MUC5AC: variants seen among roughly 807,000 people sequenced by gnomAD.
MUC5AC encodes mucin-5AC.
A neutral mutation model predicts 169.7 loss-of-function variants in MUC5AC; 158 were observed. The observed-to-expected ratio is 0.93, with a 90% CI of 0.82 to 1.06. The LOEUF (loss-of-function observed/expected upper bound fraction) is 1.06. Among genes scored for constraint, MUC5AC ranks in the 50% least tolerant of loss-of-function variants. MUC5AC has a pLI of 0.00. For synonymous variants in MUC5AC, 1,975 were observed against 1,237.0 expected (o/e 1.60, Z -12.52); for missense variants, 4,359 against 3,089.9 (o/e 1.41, Z -9.74).
chr11:1,194,562 A>G lies in MUC5AC; in HGVS notation c.15082A>G (p.Met5028Val), dbSNP rs1264458126. The change falls in exon 35 of 49, where the codon ATG becomes GTG. Residue 5028 changes from methionine (M) to valine (V), a missense_variant. By Grantham distance (21) the Met-to-Val change is conservative (BLOSUM62 1). Coordinates refer to ENST00000621226, the MANE Select transcript of MUC5AC (RefSeq NM_001304359.2). ...CGTGGTCTCGCGCATCGGCGTCAAG[A>G]TGTACGCGACCATCCCGGAGCTGGG... Reference protein sequence around the residue: ...GIVVSRIGVKMYATIPELGVQ... With the variant: ...GIVVSRIGVKVYATIPELGVQ... 3.9e-6 allele frequency: 3 copies of G among 764,206 alleles called. No individual in the cohort carries two copies. The highest frequency in any genetic ancestry group is 3.4e-5 in the African/African-American group (2 of 59,110). The allele number at this position is 764,206 out of a possible 1,614,324, so 47.3% of individuals were successfully genotyped here.
At chr11:1,163,748 C>T (rs1237417396) in intron 6 of MUC5AC, 134 bp from the exon 7 acceptor site, 2 of 680,412 alleles carry the variant, frequency 2.9e-6, no homozygotes, top group South Asian at 1.8e-5. Context: ...CTCAGGCATC[C>T]AGATGGGGCA....
Position 1,200,646 on chromosome 11 carries a change from C to A in MUC5AC, c.16909C>A (p.Gln5637Lys), listed in dbSNP as rs749263811. The change falls in exon 49 of 49, where the codon CAG becomes AAG. Residue 5637 changes from glutamine (Q) to lysine (K), a missense_variant. Physicochemically the swap from Gln to Lys is moderately conservative, Grantham distance 53. Coordinates refer to ENST00000621226, the MANE Select transcript of MUC5AC (RefSeq NM_001304359.2). ...GGAGGAGGCGGAACCCGAGCCCAGCCAGGAGGCAGAGAGTGGGAGCTGGGA... is the reference window on the plus strand; with the variant it reads ...GGAGGAGGCGGAACCCGAGCCCAGCAAGGAGGCAGAGAGTGGGAGCTGGGA... The part of the protein sequence containing the change: ...HSEEAEPEPS[Q>K]EAESGSWERG... The A allele has an allele frequency of 2.6e-6, 2 of 763,664 alleles. No individual in the cohort carries two copies. The highest frequency in any genetic ancestry group is 4.9e-5 in the East Asian group (2 of 41,186). 47.3% of individuals were successfully genotyped at this position (763,664 alleles called of 1,614,324 possible). A position where few individuals can be genotyped will look rare whatever the true frequency, so the allele number is the denominator to read the frequency against.
intron 36 of MUC5AC, among the ~76,000 whole-genome samples, chr11:1,195,579 G>C (rs1458275726): frequency 6.6e-6 from 1 of 152,098 alleles, no homozygotes; most frequent in Admixed American, 6.5e-5. Flanking sequence ...GTATGGACGG[G>C]GGCATCGGTC....
At chr11:1,170,623 A>G (rs1860483193) in intron 15 of MUC5AC, among the ~76,000 whole-genome samples, 1 of 138,058 alleles carries the variant, frequency 7.2e-6, no homozygotes, top group Non-Finnish European at 1.5e-5. Flanking sequence ...TCACCTACTC[A>G]CTCACCCACT....
chr11:1,191,198 C>A lies in MUC5AC; in HGVS notation c.13053C>A (p.Thr4351=), dbSNP rs1861088310. ...GTACTCCCAGCCCTGTTCCCACCAC[C>A]AGCACAACCTCTGCTCCTACAACCA... ...PGSTPSPVPT[T]STTSAPTTST... is the part of the protein sequence containing the mutation. The change falls in exon 31 of 49, where the codon ACC becomes ACA. Residue 4351 remains threonine, a synonymous_variant. Coordinates refer to ENST00000621226, the MANE Select transcript of MUC5AC (RefSeq NM_001304359.2). 2.7e-6 allele frequency: 2 copies of A among 743,392 alleles called. No individual in the cohort carries two copies. Among genetic ancestry groups the A allele is most frequent in the East Asian group, 2.5e-5 (1 of 40,582 alleles). The allele number at this position is 743,392 out of a possible 1,614,324, so 46.0% of individuals were successfully genotyped here.
chr11:1,185,419 C>A lies in MUC5AC; in HGVS notation c.7274C>A (p.Thr2425Lys). 2.8e-6 allele frequency: 2 copies of A among 717,336 alleles called. No homozygotes were observed. The highest frequency in any genetic ancestry group is 2.9e-5 in the South Asian group (2 of 69,616). The allele number at this position is 717,336 out of a possible 1,614,324, so 44.4% of individuals were successfully genotyped here. ...ACAACCAGCACAACCTCTGCCCCTA[C>A]AAGCAGCACAACCTCCAGTCCACAG... ...APTTSTTSAP[T>K]SSTTSSPQTS... The change falls in exon 31 of 49, where the codon ACA (threonine) becomes AAA (lysine). Residue 2425 changes from threonine to lysine, a missense_variant. Transcript: ENST00000621226.
chr11:1,171,907 C>CCACTCACCTACTCATT (rs1554926383), intron 15 of MUC5AC, among the ~76,000 whole-genome samples: 1 of 147,600 alleles, frequency 6.8e-6, no homozygotes, highest in African/African-American at 2.6e-5. Context: ...ACCCATTCAC[C>CCACTCACCTACTCATT]CACTCACCTA....
rs758815517 is a variant in MUC5AC at position 1,164,393 on chromosome 11, T to G, written c.1004-14T>G. On this transcript the variant is annotated splice_polypyrimidine_tract_variant and intron_variant, in intron 8 of 48. Coordinates refer to ENST00000621226, the MANE Select transcript of MUC5AC (RefSeq NM_001304359.2). Reference sequence around the variant, plus strand: ...GGGGCAGGCAGACGTGAGCCCTCTCTCTGCCTCCCGCAGCCCAGAAGTGCC... The same window carrying G: ...GGGGCAGGCAGACGTGAGCCCTCTCGCTGCCTCCCGCAGCCCAGAAGTGCC... 2 of 1,611,990 alleles carry G rather than the reference T, an allele frequency of 1.2e-6. No individual in the cohort carries two copies. The highest frequency in any genetic ancestry group is 3.3e-5 in the Admixed American group (2 of 59,940).
chr11:1,193,405 C>T (rs1007578349), intron 32 of MUC5AC, 80 bp from the exon 33 acceptor site: 33 of 650,932 alleles, frequency 5.1e-5, no homozygotes, highest in East Asian at 2.2e-4. Flanking sequence ...ACGGGACTCT[C>T]GGGACTGTGA....
chr11:1,169,953 C>T, intron 15 of MUC5AC, among the ~76,000 whole-genome samples: 1 of 145,712 alleles, frequency 6.9e-6, no homozygotes, highest in African/African-American at 2.6e-5. Context: ...CACCCACTCA[C>T]CCATTCACCC....
intron 43 of MUC5AC, among the ~76,000 whole-genome samples, chr11:1,198,660 C>T (rs1861345036): frequency 6.6e-6 from 1 of 152,096 alleles, no homozygotes; most frequent in Admixed American, 6.5e-5. Context: ...GGGGGTGCAG[C>T]GTGGGGCTCT....
In MUC5AC at chr11:1,163,889, G is replaced by C; in HGVS notation, c.687G>C (p.Lys229Asn). The C allele has an allele frequency of 6.2e-7, 1 of 1,606,596 alleles. No individual in the cohort carries two copies. Among genetic ancestry groups the C allele is most frequent in the South Asian group, 1.1e-5 (1 of 89,778 alleles). The change falls in exon 7 of 49, where the codon AAG becomes AAC. Residue 229 changes from lysine to asparagine, a missense_variant. Lys to Asn is a moderately conservative substitution (Grantham distance 94, BLOSUM62 0). Coordinates refer to ENST00000621226, the MANE Select transcript of MUC5AC (RefSeq NM_001304359.2). Reference sequence around the variant, plus strand: ...CCTCTGTGCTTGCCGCAGACACCAAGCTGACACCCATGGAATTCGGGAACC... The same window carrying C: ...CCTCTGTGCTTGCCGCAGACACCAACCTGACACCCATGGAATTCGGGAACC... ...VVSELLSHNTKLTPMEFGNLQ... is the reference protein window; with the variant it reads ...VVSELLSHNTNLTPMEFGNLQ...
chr11:1,192,135 A>G lies in MUC5AC; in HGVS notation c.13990A>G (p.Ile4664Val), dbSNP rs1378211260. Residue 4664 changes from isoleucine (I) to valine (V), a missense_variant, in exon 31 of 49, where the codon ATC becomes GTC. By Grantham distance (29) the Ile-to-Val change is conservative. Transcript: ENST00000621226. ...YNNIIRSGEKICRRPEEITRL... is the reference protein window; with the variant it reads ...YNNIIRSGEKVCRRPEEITRL... ...CAACATCATCAGGAGTGGGGAAAAA[A>G]TCTGCCGCCGACCTGAGGAGATCAC... 1.3e-6 allele frequency: 1 copy of G among 765,036 alleles called. No individual in the cohort carries two copies. Among genetic ancestry groups the G allele is most frequent in the Non-Finnish European group, 2.4e-6 (1 of 417,882 alleles). The allele number at this position is 765,036 out of a possible 1,614,324, so 47.4% of individuals were successfully genotyped here. A position where few individuals can be genotyped will look rare whatever the true frequency, so the allele number is the denominator to read the frequency against.
rs1860957649 is a variant in MUC5AC at position 1,186,757 on chromosome 11, C to G, written c.8612C>G (p.Thr2871Ser). 6.8e-6 allele frequency: 5 copies of G among 736,980 alleles called. No individual in the cohort carries two copies. Among genetic ancestry groups the G allele is most frequent in the Non-Finnish European group, 9.9e-6 (4 of 403,914 alleles). 45.7% of individuals were successfully genotyped at this position (736,980 alleles called of 1,614,324 possible). A position where few individuals can be genotyped will look rare whatever the true frequency, so the allele number is the denominator to read the frequency against. ...TSVPTSSTTS[T>S]ATTSTTSGPG... is the part of the protein sequence containing the mutation. ...GTCCCTACAAGCAGCACAACCTCCA[C>G]TGCTACAACCAGCACAACCTCTGGC... Residue 2871 changes from threonine (T) to serine (S), a missense_variant, in exon 31 of 49, where the codon ACT becomes AGT. Physicochemically the swap from Thr to Ser is moderately conservative, Grantham distance 58. Transcript: ENST00000621226.
rs1006486617 is a variant in MUC5AC at position 1,197,613 on chromosome 11, G to A, written c.16007G>A (p.Gly5336Asp). 1 of 725,622 alleles carries A rather than the reference G, an allele frequency of 1.4e-6. No homozygotes were observed. The highest frequency in any genetic ancestry group is 2.5e-6 in the Non-Finnish European group (1 of 398,874). The allele number at this position is 725,622 out of a possible 1,614,324, so 44.9% of individuals were successfully genotyped here. A position where few individuals can be genotyped will look rare whatever the true frequency, so the allele number is the denominator to read the frequency against. ...CCTGTGCCTGCAGCCCCACAGGCCG[G>A]CCAGTGCTGCCCCCAGTACAGCTGC... ...FVPVPAAPQA[G>D]QCCPQYSCAC... The change falls in exon 41 of 49, where the codon GGC (glycine) becomes GAC (aspartate). Residue 5336 changes from glycine (G) to aspartate (D), a missense_variant. Transcript: ENST00000621226.
In MUC5AC at chr11:1,187,409, T is replaced by A; in HGVS notation, c.9264T>A (p.Ala3088=). 2.7e-6 allele frequency: 2 copies of A among 734,870 alleles called. No homozygotes were observed. 45.5% of individuals were successfully genotyped at this position (734,870 alleles called of 1,614,324 possible). The change falls in exon 31 of 49, where the codon GCT becomes GCA. Residue 3088 remains alanine, a synonymous_variant. Coordinates refer to ENST00000621226, the MANE Select transcript of MUC5AC (RefSeq NM_001304359.2). ...SAPTTSTTSA[A]TTSTISAPTT... ...CTACAACCAGCACAACCTCTGCCGCTACAACCAGCACAATCTCGGCCCCAA... is the reference window on the plus strand; with the variant it reads ...CTACAACCAGCACAACCTCTGCCGCAACAACCAGCACAATCTCGGCCCCAA...
At chr11:1,177,099 C>G in intron 22 of MUC5AC, 33 bp downstream of exon 22, 1 of 398,630 alleles carries the variant, frequency 2.5e-6, no homozygotes, top group Non-Finnish European at 4.4e-6. Context: ...CTCACGGCGG[C>G]CCCCGTGGCC....
Position 1,189,165 on chromosome 11 carries a change from T to C in MUC5AC, c.11020T>C (p.Ser3674Pro). ...CTCCACTACACAGACCAGCACAACC[T>C]CTGCCCCTACAACTAGCACAACCCC... is the stretch of plus-strand genomic sequence containing the variant. Reference protein sequence around the residue: ...ITSTTQTSTTSAPTTSTTPAS... With the variant: ...ITSTTQTSTTPAPTTSTTPAS... Residue 3674 changes from serine to proline, a missense_variant, in exon 31 of 49, where the codon TCT becomes CCT. By Grantham distance (74) the Ser-to-Pro change is moderately conservative. Transcript: ENST00000621226. 1.7e-6 allele frequency: 1 copy of C among 598,036 alleles called. No homozygotes were observed. The highest frequency in any genetic ancestry group is 2.9e-5 in the Admixed American group (1 of 34,220). 37.0% of individuals were successfully genotyped at this position (598,036 alleles called of 1,614,324 possible).
intron 30 of MUC5AC, 102 bp from the exon 31 acceptor site, chr11:1,182,053 C>A (rs1860826659): frequency 5.0e-6 from 2 of 398,168 alleles, no homozygotes; most frequent in African/African-American, 2.1e-5. Flanking sequence ...GGAAGACAGA[C>A]CTGCTGGCGC....
Sources: gnomAD v4.1 joint callset for allele counts (sites outside exome capture counted in the v4.1 genomes callset) on GRCh38, gnomAD v4.1.1 for gene constraint, MANE v1.5 for transcripts, NCBI Gene and HGNC (gene_info 2026-07-23, HGNC 2026-07-21) for gene names.